The following ATE1 variants were observed in gnomAD, a reference collection of about 807,000 sequenced individuals.
The protein encoded by ATE1 is arginyl-tRNA--protein transferase 1.
In ATE1, 36 loss-of-function variants were observed where a neutral mutation model predicts 70.5. The ratio of observed to expected loss-of-function variants is 0.51; its 90% CI spans 0.39 to 0.67. The LOEUF (loss-of-function observed/expected upper bound fraction) is 0.67. Among genes scored for constraint, ATE1 ranks in the 30% least tolerant of loss-of-function variants. ATE1 has a pLI of 0.00. For synonymous variants in ATE1, 232 were observed against 219.3 expected (o/e 1.06, Z -0.51); for missense variants, 593 against 629.5 (o/e 0.94, Z 0.62).
At chr10:121,924,420 T>G (rs75962930) in intron 1 of ATE1, 91 bp from the exon 2 acceptor site, 83,036 of 1,268,658 alleles carry the variant, frequency 0.065, 3,381 homozygotes, top group East Asian at 0.16. Context: ...GGAGTGTGTG[T>G]CCGGGCACGG....
chr10:121,923,382 T>C (rs1395963346), intron 2 of ATE1, among the ~76,000 whole-genome samples: 2 of 152,130 alleles, frequency 1.3e-5, no homozygotes, highest in African/African-American at 4.8e-5. Context: ...AGAGGATCAC[T>C]TGAGTGTGGG....
intron 10 of ATE1, among the ~76,000 whole-genome samples, chr10:121,818,647 T>G (rs1235421634): frequency 6.6e-6 from 1 of 152,228 alleles, no homozygotes; most frequent in African/African-American, 2.4e-5. Flanking sequence ...TATTCTATTC[T>G]AAATACACCC....
intron 8 of ATE1, among the ~76,000 whole-genome samples, chr10:121,858,318 T>C (rs1394436811): frequency 1.3e-5 from 2 of 152,180 alleles, no homozygotes; most frequent in Non-Finnish European, 2.9e-5. Flanking sequence ...CCAATTTCTC[T>C]ACAACCATGC....
intron 7 of ATE1, among the ~76,000 whole-genome samples, chr10:121,893,117 A>G (rs1950638574): frequency 6.6e-6 from 1 of 151,924 alleles, no homozygotes; most frequent in Admixed American, 6.6e-5. Flanking sequence ...CTCTACTAAA[A>G]ATACAAAAAA....
rs181290705 is a variant in ATE1, at chr10:121,829,295, C to T, written c.1257+7423G>A. ...AAAATTAGCTGGGCATGGTGGCGTG[C>T]GCCTGTAGTCCCAGCTACTCAGGAA... is the stretch of plus-strand genomic sequence containing the variant. On this transcript the variant is annotated intron_variant, in intron 10 of 11. Transcript: ENST00000224652. Among the ~76,000 whole-genome samples the T allele has an allele frequency of 6.4e-4, 97 of 152,156 alleles. No homozygotes were observed. In the East Asian group the frequency reaches 8.5e-3, roughly 13 times the overall value.
At chr10:121,928,371 A>G (rs542745946), upstream of ATE1, 164 of 1,533,004 alleles carry the variant, frequency 1.1e-4, no homozygotes, top group Admixed American at 1.7e-3. Flanking sequence ...CCCTCCTTGG[A>G]ATCGCAGTAG....
intron 7 of ATE1, among the ~76,000 whole-genome samples, chr10:121,883,890 A>C (rs929529517): frequency 6.6e-6 from 1 of 151,492 alleles, no homozygotes; most frequent in African/African-American, 2.4e-5. Context: ...GGATCACTTG[A>C]GGTCAGGAGT....
At chr10:121,885,442 C>T (rs1352286170) in intron 7 of ATE1, among the ~76,000 whole-genome samples, 5 of 149,380 alleles carry the variant, frequency 3.3e-5, no homozygotes, top group African/African-American at 9.9e-5. Flanking sequence ...TGGTGGTGGG[C>T]GCTTGTAGTC....
intron 7 of ATE1, among the ~76,000 whole-genome samples, chr10:121,888,017 C>G (rs1299023264): frequency 2.6e-5 from 4 of 152,108 alleles, no homozygotes; most frequent in Admixed American, 2.6e-4. Flanking sequence ...AGAGGTTATT[C>G]CTCCTACCTC....
chr10:121,831,941 A>AG (rs1295197528), intron 10 of ATE1, among the ~76,000 whole-genome samples: 1 of 152,214 alleles, frequency 6.6e-6, no homozygotes, highest in African/African-American at 2.4e-5. Context: ...AATAATCTAT[A>AG]GTGACCATAA....
chr10:121,869,720 G>T (rs181081775), intron 8 of ATE1, among the ~76,000 whole-genome samples: 1 of 152,180 alleles, frequency 6.6e-6, no homozygotes, highest in East Asian at 1.9e-4. Context: ...GATACAACAA[G>T]CCTCTTTAAA....
At chr10:121,832,451 A>C (rs1248746179) in intron 10 of ATE1, among the ~76,000 whole-genome samples, 1 of 152,146 alleles carries the variant, frequency 6.6e-6, no homozygotes, top group African/African-American at 2.4e-5. Context: ...CCCCACCTAA[A>C]TCTCATCTTG....
At chr10:121,877,939 T>G (rs146817316) in intron 7 of ATE1, among the ~76,000 whole-genome samples, 1 of 152,334 alleles carries the variant, frequency 6.6e-6, no homozygotes, top group Non-Finnish European at 1.5e-5. Flanking sequence ...ACAAGAATGT[T>G]CATAGCAACT....
intron 10 of ATE1, among the ~76,000 whole-genome samples, chr10:121,803,680 T>C (rs1423869051): frequency 6.6e-6 from 1 of 152,220 alleles, no homozygotes; most frequent in Non-Finnish European, 1.5e-5. Context: ...ATAAAGTCAG[T>C]AAGCTGTCTC....
chr10:121,911,967 C>T (rs778559143), intron 4 of ATE1, among the ~76,000 whole-genome samples: 6 of 152,068 alleles, frequency 3.9e-5, no homozygotes, highest in Admixed American at 2.6e-4. Flanking sequence ...GGGATGGTCT[C>T]GATCTCCTGA....
At chr10:121,850,408 TCAGTCATC>T (rs1232432003) in intron 8 of ATE1, among the ~76,000 whole-genome samples, 1 of 152,234 alleles carries the variant, frequency 6.6e-6, no homozygotes, top group Non-Finnish European at 1.5e-5. Context: ...TCCAGGAGGC[TCAGTCATC>T]CATTCCTAGA....
chr10:121,906,276 C>G (rs1423339796), intron 5 of ATE1, among the ~76,000 whole-genome samples: 1 of 152,022 alleles, frequency 6.6e-6, no homozygotes, highest in Non-Finnish European at 1.5e-5. Context: ...GCCCGTAATC[C>G]CAACACTTTG....
chr10:121,846,887 A>G (rs963242369), intron 8 of ATE1, among the ~76,000 whole-genome samples: 2 of 152,164 alleles, frequency 1.3e-5, no homozygotes, highest in Non-Finnish European at 2.9e-5. Context: ...ATACAATACA[A>G]AGAGTAAAGC....
chr10:121,866,253 C>G (rs1949659708), intron 8 of ATE1, among the ~76,000 whole-genome samples: 1 of 152,016 alleles, frequency 6.6e-6, no homozygotes, highest in South Asian at 2.1e-4. Flanking sequence ...TCAAGTGGCC[C>G]CTGTGGAATT....
Sources: allele counts gnomAD v4.1 joint callset (sites outside exome capture counted in the v4.1 genomes callset), GRCh38; gene constraint gnomAD v4.1.1; transcripts MANE v1.5; gene names NCBI Gene and HGNC (gene_info 2026-07-23, HGNC 2026-07-21).